CPPED1: variants seen among roughly 807,000 people sequenced by gnomAD.
The protein encoded by CPPED1 is serine/threonine-protein phosphatase CPPED1.
Under a neutral mutation model 28.0 loss-of-function variants are expected in CPPED1, and 28 were observed. The ratio of observed to expected loss-of-function variants is 1.00; its 90% CI spans 0.74 to 1.37. CPPED1 has a LOEUF of 1.37. Among genes scored for constraint, CPPED1 ranks in the 40% most tolerant of loss-of-function variants. CPPED1 has a pLI of 0.00. For synonymous variants in CPPED1, 198 were observed against 180.2 expected, an observed-to-expected ratio of 1.10 and a Z score of -0.79; for missense variants, 504 against 416.5, an observed-to-expected ratio of 1.21 and a Z score of -1.83.
intron 3 of CPPED1, among the ~76,000 whole-genome samples, chr16:12,686,650 G>A (rs1319438730): frequency 1.3e-5 from 2 of 152,216 alleles, no homozygotes; most frequent in African/African-American, 2.4e-5. Flanking sequence ...AGGATGCTGG[G>A]ATGGGAAAGG....
chr16:12,801,385 G>A (rs560116433), intron 1 of CPPED1, among the ~76,000 whole-genome samples: 9 of 152,074 alleles, frequency 5.9e-5, no homozygotes, highest in Admixed American at 6.6e-5. Flanking sequence ...GAGCCACCGC[G>A]GCCGGCCCTC....
intron 2 of CPPED1, among the ~76,000 whole-genome samples, chr16:12,726,164 CCCGAGT>C: frequency 6.6e-6 from 1 of 152,186 alleles, no homozygotes. Flanking sequence ...GCCTCAGCCT[CCCGAGT>C]AGCTGGGATT....
intron 3 of CPPED1, among the ~76,000 whole-genome samples, chr16:12,689,445 G>C (rs551840846): frequency 2.6e-5 from 4 of 151,432 alleles, no homozygotes; most frequent in Non-Finnish European, 5.9e-5. Context: ...GCCCAGGCTG[G>C]TCTCAAACTC....
At chr16:12,774,822 T>C (rs2080488560) in intron 2 of CPPED1, among the ~76,000 whole-genome samples, 1 of 151,790 alleles carries the variant, frequency 6.6e-6, no homozygotes, top group South Asian at 2.1e-4. Flanking sequence ...TGTGTGTTTT[T>C]TGTTTGTTTG....
At chr16:12,700,056 C>T (rs996413925) in intron 3 of CPPED1, among the ~76,000 whole-genome samples, 1 of 152,204 alleles carries the variant, frequency 6.6e-6, no homozygotes, top group Non-Finnish European at 1.5e-5. Flanking sequence ...CCACATCCGA[C>T]TCATATTTCC....
At chr16:12,724,162 G>C (rs1300847785) in intron 2 of CPPED1, among the ~76,000 whole-genome samples, 1 of 152,166 alleles carries the variant, frequency 6.6e-6, no homozygotes, top group African/African-American at 2.4e-5. Flanking sequence ...GACACCTCCT[G>C]TGTTCACAGT....
At chr16:12,790,898 G>A (rs548158571) in intron 1 of CPPED1, among the ~76,000 whole-genome samples, 27 of 124,946 alleles carry the variant, frequency 2.2e-4, no homozygotes, top group Admixed American at 3.9e-4. Flanking sequence ...CCAGCCTGGT[G>A]ATAGAGCAAG....
Position 12,718,551 on chromosome 16 carries a change from A to AG in CPPED1, c.290-13503_290-13502insC, listed in dbSNP as rs1486381095. Among the ~76,000 whole-genome samples the AG allele has an allele frequency of 9.3e-4, 140 of 151,320 alleles. 1 individual carries two copies. Among genetic ancestry groups the AG allele is most frequent in the African/African-American group, 3.3e-3 (136 of 41,302 alleles). ...AAGACTCTGTCTTAAAAAAAAAAAA[A>AG]AAAAAAGAAAGAAAAAAAAGGTGTT... On this transcript the variant is annotated intron_variant, in intron 2 of 3. Transcript: ENST00000381774.
At chr16:12,703,384 TGGA>T (rs1388180423) in intron 3 of CPPED1, among the ~76,000 whole-genome samples, 1 of 152,206 alleles carries the variant, frequency 6.6e-6, no homozygotes, top group African/African-American at 2.4e-5. Flanking sequence ...CTCCGGATTC[TGGA>T]GGAGAACTTA....
chr16:12,758,485 A>G (rs1339522867), intron 2 of CPPED1, among the ~76,000 whole-genome samples: 1 of 152,228 alleles, frequency 6.6e-6, no homozygotes. Context: ...GGAAGCGAAT[A>G]CAAGAAACGC....
Position 12,802,515 on chromosome 16 carries a change from C to G in CPPED1, c.70+1192G>C, listed in dbSNP as rs542146446. On this transcript the variant is annotated intron_variant, in intron 1 of 3. Transcript: ENST00000381774. ...ACTCCAGAGGCTGAGGCAGGAGAAT[C>G]GCTTGAACCCGGGAGGCGGAGGTTA... Among the ~76,000 whole-genome samples, 3 of 152,262 alleles carry G rather than the reference C, an allele frequency of 2.0e-5. No individual in the cohort carries two copies. In the South Asian group the frequency reaches 6.2e-4, roughly 32 times the overall value.
intron 1 of CPPED1, among the ~76,000 whole-genome samples, chr16:12,790,902 GA>G (rs1333478704): frequency 8.1e-6 from 1 of 123,720 alleles, no homozygotes; most frequent in African/African-American, 3.2e-5. Flanking sequence ...CCTGGTGATA[GA>G]GCAAGACTCT....
At chr16:12,764,543 T>A (rs971841689) in intron 2 of CPPED1, among the ~76,000 whole-genome samples, 1 of 152,140 alleles carries the variant, frequency 6.6e-6, no homozygotes, top group Non-Finnish European at 1.5e-5. Context: ...TTTTGCCATG[T>A]TGCCCAGGCT....
intron 1 of CPPED1, among the ~76,000 whole-genome samples, chr16:12,792,495 A>AC (rs1265609682): frequency 6.6e-6 from 1 of 151,588 alleles, no homozygotes; most frequent in Admixed American, 6.6e-5. Flanking sequence ...GGGTTGAAAA[A>AC]CCCTGTTTAA....
intron 3 of CPPED1, among the ~76,000 whole-genome samples, chr16:12,678,433 AAAT>A (rs1379973912): frequency 3.3e-5 from 5 of 152,238 alleles, no homozygotes; most frequent in Non-Finnish European, 5.9e-5. Flanking sequence ...TGATTTCTAC[AAAT>A]AATAAAACTG....
At position 12,714,230 on chromosome 16, in the gene CPPED1, G is replaced by A. The variant is rs545855569; in HGVS notation, c.290-9181C>T. 2.0e-5 allele frequency among the ~76,000 whole-genome samples: 3 copies of A among 152,238 alleles called. No individual in the cohort carries two copies. In the South Asian group the frequency reaches 6.2e-4, roughly 32 times the overall value. The stretch of plus-strand genomic sequence containing the variant: ...CTACTTTCTGGCTATTATGAATTAT[G>A]CTGCTATAAAAATCCACGTGCAAGT... On this transcript the variant is annotated intron_variant, in intron 2 of 3. Transcript: ENST00000381774.
intron 3 of CPPED1, among the ~76,000 whole-genome samples, chr16:12,689,991 G>A (rs1031275407): frequency 6.6e-6 from 1 of 152,188 alleles, no homozygotes; most frequent in Non-Finnish European, 1.5e-5. Context: ...AACACAAGTT[G>A]AAATTAACTG....
At chr16:12,672,756 G>A (rs565793736) in intron 3 of CPPED1, among the ~76,000 whole-genome samples, 9 of 152,198 alleles carry the variant, frequency 5.9e-5, no homozygotes, top group Non-Finnish European at 1.3e-4. Flanking sequence ...GATTGGGAAT[G>A]AAATCCCAGC....
intron 3 of CPPED1, among the ~76,000 whole-genome samples, chr16:12,683,969 G>A (rs1225712293): frequency 6.6e-6 from 1 of 152,126 alleles, no homozygotes; most frequent in Non-Finnish European, 1.5e-5. Context: ...ATCGCAAGAT[G>A]GCTGCAGGGC....
Sources: gnomAD v4.1 joint callset for allele counts (sites outside exome capture counted in the v4.1 genomes callset) on GRCh38, gnomAD v4.1.1 for gene constraint, MANE v1.5 for transcripts, NCBI Gene and HGNC (gene_info 2026-07-23, HGNC 2026-07-21) for gene names.